The following FRMD5 variants were observed in gnomAD, a reference collection of about 807,000 sequenced individuals.
FRMD5 encodes FERM domain-containing protein 5.
Under a neutral mutation model 69.0 loss-of-function variants are expected in FRMD5, and 20 were observed. The ratio of observed to expected loss-of-function variants is 0.29; its 90% confidence interval spans 0.20 to 0.42. FRMD5 has a LOEUF of 0.42. Ranked by LOEUF, FRMD5 falls within the 10% of genes least tolerant of loss-of-function variation. The pLI is 1.00. For missense variants in FRMD5, 595 were observed against 708.6 expected, an observed-to-expected ratio of 0.84 and a Z score of 1.82; for synonymous variants, 271 against 260.1, an observed-to-expected ratio of 1.04 and a Z score of -0.40.
rs144783139 is a variant in FRMD5, at chr15:44,179,831, C to T, written c.102+15122G>A. Among the ~76,000 whole-genome samples the T allele has an allele frequency of 2.8e-3, 430 of 152,214 alleles. 4 individuals are homozygous for T. Among genetic ancestry groups the T allele is most frequent in the African/African-American group, 9.9e-3 (411 of 41,550 alleles). ...GGTCTCAAAGATAATCAGTGCCAGG[C>T]ATTTAACACAGTTCTCTCAATTCAC... On this transcript the variant is annotated intron_variant, in intron 1 of 13. Transcript: ENST00000417257.
chr15:43,988,138 A>T (rs1889486187), intron 1 of FRMD5, among the ~76,000 whole-genome samples: 1 of 152,142 alleles, frequency 6.6e-6, no homozygotes, highest in Non-Finnish European at 1.5e-5. Context: ...GAGCGGCTGT[A>T]AATACAGATG....
At position 43,873,679 on chromosome 15, in the gene FRMD5, A is replaced by G; in HGVS notation, c.*206T>C. 6.6e-7 allele frequency: 1 copy of G among 1,509,614 alleles called. No individual in the cohort carries two copies. The highest frequency in any genetic ancestry group is 8.8e-7 in the Non-Finnish European group (1 of 1,139,234). 93.5% of individuals were successfully genotyped at this position (1,509,614 alleles called of 1,614,324 possible). On this transcript the variant is annotated 3_prime_UTR_variant, in exon 14 of 14. Coordinates refer to ENST00000417257, the MANE Select transcript of FRMD5 (RefSeq NM_032892.5). The stretch of plus-strand genomic sequence containing the variant: ...TTTCTTGAAATAACTTCTGAAGAAA[A>G]TGAGTTTTCCCAGTTTGTTTAGACA...
intron 1 of FRMD5, among the ~76,000 whole-genome samples, chr15:44,171,402 A>C (rs564285782): frequency 2.0e-4 from 30 of 152,334 alleles, no homozygotes; most frequent in African/African-American, 7.0e-4. Flanking sequence ...TCGTCTACTG[A>C]GTATTCAACA....
At chr15:44,184,605 C>T (rs1418114388) in intron 1 of FRMD5, among the ~76,000 whole-genome samples, 1 of 152,122 alleles carries the variant, frequency 6.6e-6, no homozygotes, top group Non-Finnish European at 1.5e-5. Flanking sequence ...AAAGGTATAA[C>T]TAAGCAGTGA....
chr15:43,968,368 T>C (rs1420278249), intron 1 of FRMD5, among the ~76,000 whole-genome samples: 3 of 152,238 alleles, frequency 2.0e-5, no homozygotes, highest in African/African-American at 4.8e-5. Flanking sequence ...CTGAGGTAGA[T>C]GTATGCTGTC....
chr15:43,881,584 TC>T (rs1279159609), intron 13 of FRMD5, among the ~76,000 whole-genome samples: 9 of 152,218 alleles, frequency 5.9e-5, no homozygotes, highest in African/African-American at 2.2e-4. Context: ...GAGCTCCTAG[TC>T]AGACCTTGGC....
chr15:44,080,365 A>C (rs755383978), intron 1 of FRMD5, among the ~76,000 whole-genome samples: 4 of 152,052 alleles, frequency 2.6e-5, no homozygotes, highest in Admixed American at 1.3e-4. Flanking sequence ...TGTGTGCCTA[A>C]AACACCTGAA....
At chr15:44,175,623 G>A (rs1337261371) in intron 1 of FRMD5, among the ~76,000 whole-genome samples, 1 of 152,040 alleles carries the variant, frequency 6.6e-6, no homozygotes, top group African/African-American at 2.4e-5. Flanking sequence ...ATATACCTAA[G>A]TAAAATGAAA....
intron 1 of FRMD5, among the ~76,000 whole-genome samples, chr15:43,981,710 T>C (rs1416794298): frequency 6.6e-6 from 1 of 152,262 alleles, no homozygotes; most frequent in East Asian, 1.9e-4. Context: ...AACCTTCTGC[T>C]AGATGGTCTC....
chr15:44,108,682 CT>C (rs1259169960), intron 1 of FRMD5, among the ~76,000 whole-genome samples: 2 of 151,712 alleles, frequency 1.3e-5, no homozygotes, highest in Non-Finnish European at 2.9e-5. Context: ...CAAAAAACCT[CT>C]GGGCACAGTG....
chr15:44,041,277 C>T (rs1473713440), intron 1 of FRMD5, among the ~76,000 whole-genome samples: 6 of 152,092 alleles, frequency 3.9e-5, no homozygotes, highest in African/African-American at 1.4e-4. Flanking sequence ...ACTGTCAACA[C>T]AAGAGAGATC....
chr15:44,182,519 C>T (rs1241757328), intron 1 of FRMD5, among the ~76,000 whole-genome samples: 3 of 150,878 alleles, frequency 2.0e-5, no homozygotes, highest in Admixed American at 6.6e-5. Context: ...TTAGTAGAGA[C>T]GAGGTTTCAT....
chr15:44,113,136 T>C (rs1426392487), intron 1 of FRMD5, among the ~76,000 whole-genome samples: 4 of 152,202 alleles, frequency 2.6e-5, no homozygotes, highest in Non-Finnish European at 5.9e-5. Flanking sequence ...AAACAGGGTA[T>C]GACTATATCC....
rs1166964884 is a variant in FRMD5, at chr15:44,007,328, T to C, written c.103-83019A>G. ...AAATCTGTGACTTGCTTTATTGCAC[T>C]ATCCACTTTATTGCGGTGGTCTGGA... On this transcript the variant is annotated intron_variant, in intron 1 of 13. Coordinates refer to ENST00000417257, the MANE Select transcript of FRMD5 (RefSeq NM_032892.5). Among the ~76,000 whole-genome samples the C allele has an allele frequency of 4.6e-5, 7 of 152,362 alleles. No individual in the cohort carries two copies. The South Asian group carries it at 1.2e-3, about 27-fold the overall frequency.
intron 1 of FRMD5, 58 bp downstream of exon 1, chr15:44,194,895 G>T: frequency 7.0e-7 from 1 of 1,418,490 alleles, no homozygotes; most frequent in Non-Finnish European, 9.6e-7. Context: ...CGGCCAAGTT[G>T]ACCAGACTTG....
intron 1 of FRMD5, among the ~76,000 whole-genome samples, chr15:44,060,984 C>T (rs760303016): frequency 6.6e-6 from 1 of 152,200 alleles, no homozygotes; most frequent in Admixed American, 6.5e-5. Flanking sequence ...TAGTATACAA[C>T]ATAAACTTTC....
chr15:43,906,823 G>C (rs189251210), intron 5 of FRMD5, among the ~76,000 whole-genome samples: 1,842 of 150,012 alleles, frequency 0.012, 52 homozygotes, highest in Non-Finnish European at 0.019. Flanking sequence ...GGATGGTCTC[G>C]ATCTCCTGAC....
At chr15:43,990,078 C>T in intron 1 of FRMD5, 2 of 699,074 alleles carry the variant, frequency 2.9e-6, no homozygotes, top group Admixed American at 1.8e-5. Flanking sequence ...TGGGGCGCCC[C>T]ACAATGAAGG....
intron 1 of FRMD5, among the ~76,000 whole-genome samples, chr15:44,139,684 A>C (rs2140440645): frequency 7.3e-6 from 1 of 136,706 alleles, no homozygotes; most frequent in East Asian, 2.4e-4. Context: ...TAAGCCCAGG[A>C]CTTGGAGACC....
Sources: allele counts gnomAD v4.1 joint callset (sites outside exome capture counted in the v4.1 genomes callset), GRCh38; gene constraint gnomAD v4.1.1; transcripts MANE v1.5; gene names NCBI Gene and HGNC (gene_info 2026-07-23, HGNC 2026-07-21).